RIMBP2: variants seen among roughly 807,000 people sequenced by gnomAD.
RIMBP2 encodes RIMS binding protein 2.
A neutral mutation model predicts 118.6 loss-of-function variants in RIMBP2; 48 were observed. That is an observed-to-expected ratio of 0.40 (90% CI 0.32 to 0.51). The LOEUF (loss-of-function observed/expected upper bound fraction) is 0.51, where lower values mean the gene tolerates loss of function less well. Ranked by LOEUF, RIMBP2 falls within the 20% of genes least tolerant of loss-of-function variation. RIMBP2 has a pLI of 0.41. For missense variants in RIMBP2, 1,551 were observed against 1,768.3 expected (o/e 0.88, Z 2.20); for synonymous variants, 762 against 742.9 (o/e 1.03, Z -0.42).
chr12:130,675,254 T>C (rs1279675066), intron 1 of RIMBP2, among the ~76,000 whole-genome samples: 1 of 152,034 alleles, frequency 6.6e-6, no homozygotes, highest in Non-Finnish European at 1.5e-5. Context: ...GAACGATGGG[T>C]GTCTCACGCT....
At chr12:130,535,779 A>ATATATATATATATG (rs1566218602) in intron 2 of RIMBP2, among the ~76,000 whole-genome samples, 1 of 111,070 alleles carries the variant, frequency 9.0e-6, no homozygotes, top group Non-Finnish European at 1.9e-5. Context: ...ATATATATAT[A>ATATATATATATATG]TATACACATA....
In RIMBP2 at chr12:130,424,786, TC is replaced by T. The variant is rs2076668462; in HGVS notation, c.2484del (p.Lys829ArgfsTer9). The stretch of plus-strand genomic sequence containing the variant: ...ACTTCGGGGATACTGAAAAGTCTCT[TC>T]CTGTGGGGCTGGTGGGGAAACTCGG... ...EQPEFPHQPH[R>X]KRLFSIPEVA... On this transcript the variant is annotated frameshift_variant, in exon 16 of 23. Transcript: ENST00000690449. LOFTEE classifies it high-confidence loss of function. This position sits in a 1 kb window ranked among gnomAD's most constrained non-coding sequence, Gnocchi z 9.8. The T allele has an allele frequency of 8.1e-7, 1 of 1,232,768 alleles. No homozygotes were observed. Among genetic ancestry groups the T allele is most frequent in the South Asian group, 4.1e-5 (1 of 24,344 alleles). 76.4% of individuals were successfully genotyped at this position (1,232,768 alleles called of 1,614,324 possible). A position where few individuals can be genotyped will look rare whatever the true frequency, so the allele number is the denominator to read the frequency against.
In RIMBP2 at chr12:130,419,184, G is replaced by T. The variant is rs972735977; in HGVS notation, c.3238+3269C>A. Among the ~76,000 whole-genome samples the T allele has an allele frequency of 2.0e-5, 3 of 152,182 alleles. No homozygotes were observed. The highest frequency in any genetic ancestry group is 4.4e-5 in the Non-Finnish European group (3 of 68,034). On this transcript the variant is annotated intron_variant, in intron 17 of 22. Coordinates refer to ENST00000690449, the MANE Select transcript of RIMBP2 (RefSeq NM_001393629.1). This position sits in a 1 kb window ranked among gnomAD's most constrained non-coding sequence, Gnocchi z 4.3. ...TGCAGACTGGACTGGGCAGTTGGGG[G>T]TCCCTTGTCCTTGGTGATGGCAGGC... is the stretch of plus-strand genomic sequence containing the variant.
intron 2 of RIMBP2, among the ~76,000 whole-genome samples, chr12:130,547,526 G>T (rs1672027170): frequency 6.6e-6 from 1 of 152,204 alleles, no homozygotes; most frequent in South Asian, 2.1e-4. Context: ...TTGTCTCCCA[G>T]CAGTTTCCAT....
intron 2 of RIMBP2, among the ~76,000 whole-genome samples, chr12:130,521,729 G>A (rs2052147197): frequency 6.6e-6 from 1 of 152,204 alleles, no homozygotes; most frequent in Non-Finnish European, 1.5e-5. Flanking sequence ...TCCAGCTGTA[G>A]GCACCACCCC....
chr12:130,636,420 G>A (rs1411057079), intron 1 of RIMBP2, among the ~76,000 whole-genome samples: 1 of 152,176 alleles, frequency 6.6e-6, no homozygotes, highest in Non-Finnish European at 1.5e-5. Flanking sequence ...GCAGGTGCGA[G>A]GACCCAGCTT....
At chr12:130,440,833 T>C (rs970872158) in intron 11 of RIMBP2, among the ~76,000 whole-genome samples, 1 of 152,210 alleles carries the variant, frequency 6.6e-6, no homozygotes, top group Non-Finnish European at 1.5e-5. Context: ...TGTCAGGCTC[T>C]AGCTGACCAA....
intron 2 of RIMBP2, among the ~76,000 whole-genome samples, chr12:130,597,155 A>G (rs1017778422): frequency 2.0e-5 from 3 of 152,266 alleles, no homozygotes; most frequent in Non-Finnish European, 4.4e-5. Flanking sequence ...GTAGGTCACT[A>G]TGACTCATAA....
chr12:130,567,484 C>G (rs1030398336), intron 2 of RIMBP2, among the ~76,000 whole-genome samples: 1 of 152,208 alleles, frequency 6.6e-6, no homozygotes, highest in African/African-American at 2.4e-5. Context: ...CTGGAACCCA[C>G]CCTTCTATCC....
rs2063818192 is a variant in RIMBP2 at position 130,664,439 on chromosome 12, G to GCGCACGCACGCA, written c.-351-35984_-351-35983insTGCGTGCGTGCG. 1.1e-4 allele frequency among the ~76,000 whole-genome samples: 13 copies of GCGCACGCACGCA among 123,510 alleles called. No individual in the cohort carries two copies. The South Asian group carries it at 3.4e-3, about 32-fold the overall frequency. 81.0% of individuals were successfully genotyped at this position (123,510 alleles called of 152,430 possible). On this transcript the variant is annotated intron_variant, in intron 1 of 22. Coordinates refer to ENST00000690449, the MANE Select transcript of RIMBP2 (RefSeq NM_001393629.1). ...CACACACGCACACACATGCATGCAC[G>GCGCACGCACGCA]CACACACGCACACACATGCACGCAC... is the stretch of plus-strand genomic sequence containing the variant.
chr12:130,399,932 A>G, intron 21 of RIMBP2, 119 bp from the exon 22 acceptor site: 1 of 1,180,320 alleles, frequency 8.5e-7, no homozygotes, highest in African/African-American at 1.5e-5. Flanking sequence ...CTGGTTCAAA[A>G]GTGGCAGGAC....
chr12:130,491,219 A>C (rs1337014517), intron 4 of RIMBP2, among the ~76,000 whole-genome samples: 6 of 152,334 alleles, frequency 3.9e-5, no homozygotes, highest in Admixed American at 3.9e-4. Flanking sequence ...CGCTTGAAGC[A>C]GGTGATATTT....
chr12:130,609,937 G>A (rs957643912), intron 2 of RIMBP2, among the ~76,000 whole-genome samples: 2 of 152,144 alleles, frequency 1.3e-5, no homozygotes, highest in African/African-American at 4.8e-5. Context: ...CGATGAATCA[G>A]AGGATGCCCT....
chr12:130,556,354 T>C (rs778524213), intron 2 of RIMBP2, among the ~76,000 whole-genome samples: 32 of 152,226 alleles, frequency 2.1e-4, no homozygotes, highest in South Asian at 2.1e-4. Flanking sequence ...CGATGATTCA[T>C]TCTCACTGTT....
At chr12:130,603,117 T>G (rs2059967258) in intron 2 of RIMBP2, among the ~76,000 whole-genome samples, 2 of 152,160 alleles carry the variant, frequency 1.3e-5, no homozygotes, top group African/African-American at 2.4e-5. Flanking sequence ...TAAACTCAAG[T>G]GGCAAATGAG....
chr12:130,681,086 A>G lies in RIMBP2; in HGVS notation c.-352+35136T>C, dbSNP rs553408922. 8.5e-5 allele frequency among the ~76,000 whole-genome samples: 13 copies of G among 152,306 alleles called. No homozygotes were observed. In the South Asian group the frequency reaches 2.3e-3, roughly 27 times the overall value. On this transcript the variant is annotated intron_variant, in intron 1 of 22. Coordinates refer to ENST00000690449, the MANE Select transcript of RIMBP2 (RefSeq NM_001393629.1). Reference sequence around the variant, plus strand: ...GAAATCTCAAGCCCCAAAGCTGAATATTTCAAAAGAGGAACAATAATTGCA... The same window carrying G: ...GAAATCTCAAGCCCCAAAGCTGAATGTTTCAAAAGAGGAACAATAATTGCA...
rs565465242 is a variant in RIMBP2 at position 130,689,657 on chromosome 12, C to T, written c.-352+26565G>A. On this transcript the variant is annotated intron_variant, in intron 1 of 22. Coordinates refer to ENST00000690449, the MANE Select transcript of RIMBP2 (RefSeq NM_001393629.1). ...GCTTAGCTGGGGAGGGGGACGGGCCCATCAACACTTCGAGACTGCACCCCA... is the reference window on the plus strand; with the variant it reads ...GCTTAGCTGGGGAGGGGGACGGGCCTATCAACACTTCGAGACTGCACCCCA... Among the ~76,000 whole-genome samples the T allele has an allele frequency of 7.2e-5, 11 of 152,210 alleles. No homozygotes were observed. The South Asian group carries it at 2.1e-3, about 29-fold the overall frequency.
At chr12:130,706,707 A>T (rs1426974002) in intron 1 of RIMBP2, among the ~76,000 whole-genome samples, 1 of 152,170 alleles carries the variant, frequency 6.6e-6, no homozygotes, top group Non-Finnish European at 1.5e-5. Flanking sequence ...CAGTTAAATG[A>T]GCTAGCTGGT....
At chr12:130,456,840 CAT>C in intron 6 of RIMBP2, 140 bp from the exon 7 acceptor site, 2 of 643,608 alleles carry the variant, frequency 3.1e-6, no homozygotes. Flanking sequence ...TGTGAAAATG[CAT>C]GTGTGGTTGA....
Sources: allele counts gnomAD v4.1 joint callset (sites outside exome capture counted in the v4.1 genomes callset), GRCh38; gene constraint gnomAD v4.1.1; non-coding constraint Gnocchi (gnomAD v3.1); transcripts MANE v1.5; gene names NCBI Gene and HGNC (gene_info 2026-07-23, HGNC 2026-07-21).